The following KCNU1 variants were observed in gnomAD, a reference collection of about 807,000 sequenced individuals.
The protein encoded by KCNU1 is potassium channel subfamily U member 1.
Under a neutral mutation model 126.8 loss-of-function variants are expected in KCNU1, and 93 were observed. The ratio of observed to expected loss-of-function variants is 0.73; its 90% CI spans 0.62 to 0.87. KCNU1 has a LOEUF of 0.87. Among genes scored for constraint, KCNU1 ranks in the 40% least tolerant of loss-of-function variants. The pLI, the probability that KCNU1 is intolerant of heterozygous loss-of-function variation, is 0.00. For missense variants in KCNU1, 1,330 were observed against 1,367.1 expected (o/e 0.97, Z 0.43); for synonymous variants, 523 against 494.2 (o/e 1.06, Z -0.77).
chr8:36,889,230 C>T, intron 19 of KCNU1: 1 of 534,460 alleles, frequency 1.9e-6, no homozygotes. Flanking sequence ...CATGGTTGCT[C>T]TGCTGAACTA....
chr8:36,912,081 T>C (rs1007963608), intron 22 of KCNU1, among the ~76,000 whole-genome samples: 2 of 152,180 alleles, frequency 1.3e-5, no homozygotes, highest in African/African-American at 4.8e-5. Context: ...TTGGGGACAA[T>C]TGATTCTCTG....
intron 10 of KCNU1, among the ~76,000 whole-genome samples, chr8:36,823,589 C>T (rs993616502): frequency 2.6e-5 from 4 of 151,754 alleles, no homozygotes; most frequent in African/African-American, 9.7e-5. Flanking sequence ...TATTTTCAAT[C>T]CTCAGTGATT....
intron 19 of KCNU1, chr8:36,888,554 G>A (rs768344544): frequency 3.7e-6 from 2 of 533,648 alleles, no homozygotes; most frequent in Admixed American, 3.9e-5. Flanking sequence ...GATCACAAAT[G>A]GGCTGTGCCT....
intron 21 of KCNU1, among the ~76,000 whole-genome samples, chr8:36,910,723 A>C (rs964650468): frequency 2.0e-5 from 3 of 152,156 alleles, no homozygotes; most frequent in African/African-American, 4.8e-5. Context: ...TCAGGAAAGA[A>C]TCTATGAAAT....
At chr8:36,800,742 A>G (rs1803273241) in intron 2 of KCNU1, among the ~76,000 whole-genome samples, 1 of 152,238 alleles carries the variant, frequency 6.6e-6, no homozygotes, top group Non-Finnish European at 1.5e-5. Flanking sequence ...CTCACTGAAC[A>G]GTGTCAGTCA....
intron 11 of KCNU1, among the ~76,000 whole-genome samples, 163 bp from the exon 12 acceptor site, chr8:36,834,623 A>G (rs1233365485): frequency 6.6e-6 from 1 of 152,252 alleles, no homozygotes; most frequent in Non-Finnish European, 1.5e-5. Flanking sequence ...TTTGCAGGAC[A>G]ACAATCCTGA....
At chr8:36,799,938 A>T (rs1442086123) in intron 2 of KCNU1, among the ~76,000 whole-genome samples, 2 of 152,108 alleles carry the variant, frequency 1.3e-5, no homozygotes, top group African/African-American at 2.4e-5. Flanking sequence ...CCATTCTGCT[A>T]TTCAGTACCT....
At chr8:36,785,044 TTGCC>T (rs1408864679) in intron 1 of KCNU1, among the ~76,000 whole-genome samples, 1 of 152,242 alleles carries the variant, frequency 6.6e-6, no homozygotes, top group East Asian at 1.9e-4. Context: ...GACGTGTACA[TTGCC>T]TTTTGTATAC....
At position 36,909,345 on chromosome 8, in the gene KCNU1, A is replaced by C; in HGVS notation, c.2141A>C (p.Asn714Thr). The C allele has an allele frequency of 6.2e-7, 1 of 1,613,648 alleles. No homozygotes were observed. Among genetic ancestry groups the C allele is most frequent in the Non-Finnish European group, 8.5e-7 (1 of 1,179,628 alleles). The change falls in exon 21 of 27, where the codon AAC becomes ACC. Residue 714 changes from asparagine to threonine, a missense_variant. Coordinates refer to ENST00000399881, the MANE Select transcript of KCNU1 (RefSeq NM_001031836.3). ...RTGKSKYKFR[N>T]HIVACVFGDA... ...GGCAAGTCAAAGTATAAGTTTCGGA[A>C]CCATATTGTAGCATGTGTATTTGGA...
chr8:36,933,291 GATTTTAAATC>G, intron 26 of KCNU1, among the ~76,000 whole-genome samples: 1 of 152,062 alleles, frequency 6.6e-6, no homozygotes, highest in African/African-American at 2.4e-5. Context: ...CACGGAGCTA[GATTTTAAATC>G]AGCTCCATGT....
intron 18 of KCNU1, among the ~76,000 whole-genome samples, chr8:36,850,535 C>T (rs1341860688): frequency 1.3e-5 from 2 of 151,646 alleles, no homozygotes; most frequent in Non-Finnish European, 2.9e-5. Context: ...TGGCTCACTA[C>T]AGCCTTGACC....
chr8:36,815,596 A>T lies in KCNU1; in HGVS notation c.904A>T (p.Ile302Leu), dbSNP rs1219414597. ...FIMFFTLGSL[I>L]LFANYIPEMV... Reference sequence around the variant, plus strand: ...GTTTTATTTTGCTGATCAATTTTAGATATTATTTGCGAACTATATACCTGA... The same window carrying T: ...GTTTTATTTTGCTGATCAATTTTAGTTATTATTTGCGAACTATATACCTGA... Residue 302 changes from isoleucine to leucine, a missense_variant and splice_region_variant, in exon 9 of 27, where the codon ATA becomes TTA. Transcript: ENST00000399881. 1 of 1,510,668 alleles carries T rather than the reference A, an allele frequency of 6.6e-7. No homozygotes were observed. The highest frequency in any genetic ancestry group is 1.4e-5 in the African/African-American group (1 of 71,624). The allele number at this position is 1,510,668 out of a possible 1,614,324, so 93.6% of individuals were successfully genotyped here.
intron 19 of KCNU1, among the ~76,000 whole-genome samples, chr8:36,898,817 A>G (rs1308586124): frequency 2.0e-5 from 3 of 151,834 alleles, no homozygotes; most frequent in Non-Finnish European, 1.5e-5. Context: ...ACCTAAAACT[A>G]CAACCTTATG....
chr8:36,930,414 A>C (rs1808663110), intron 24 of KCNU1, among the ~76,000 whole-genome samples: 1 of 152,122 alleles, frequency 6.6e-6, no homozygotes, highest in Non-Finnish European at 1.5e-5. Context: ...GTATAATGAG[A>C]GCTATGGGAA....
intron 19 of KCNU1, among the ~76,000 whole-genome samples, chr8:36,879,209 G>GTATATATATATA (rs1429299814): frequency 0.084 from 7,137 of 84,472 alleles, 293 homozygotes; most frequent in Non-Finnish European, 0.11. Context: ...GTGTGTGTGT[G>GTATATATATATA]TGTATATATA....
At chr8:36,830,979 A>G (rs989902054) in intron 10 of KCNU1, among the ~76,000 whole-genome samples, 1 of 140,186 alleles carries the variant, frequency 7.1e-6, no homozygotes, top group African/African-American at 2.7e-5. Flanking sequence ...TCATTGTTCA[A>G]TTCCCACCTA....
chr8:36,835,236 C>A (rs899345029), intron 12 of KCNU1, among the ~76,000 whole-genome samples: 1 of 152,162 alleles, frequency 6.6e-6, no homozygotes, highest in African/African-American at 2.4e-5. Context: ...CCTATTAGTG[C>A]ACGTTATTTA....
At chr8:36,851,872 T>G (rs1252932993) in intron 18 of KCNU1, among the ~76,000 whole-genome samples, 3 of 152,192 alleles carry the variant, frequency 2.0e-5, no homozygotes, top group Non-Finnish European at 4.4e-5. Context: ...TCTTATTTCA[T>G]TTTCTTGCCT....
chr8:36,922,718 C>T, intron 24 of KCNU1, 89 bp downstream of exon 24: 1 of 1,294,328 alleles, frequency 7.7e-7, no homozygotes, highest in Non-Finnish European at 1.1e-6. Flanking sequence ...ATGATAACAC[C>T]TCACAGTTCT....
Sources: allele counts gnomAD v4.1 joint callset (sites outside exome capture counted in the v4.1 genomes callset), GRCh38; gene constraint gnomAD v4.1.1; transcripts MANE v1.5; gene names NCBI Gene and HGNC (gene_info 2026-07-23, HGNC 2026-07-21).